The following PHF20 variants were observed in gnomAD, a reference collection of about 807,000 sequenced individuals.
The protein encoded by PHF20 is PHD finger protein 20.
A neutral mutation model predicts 113.5 loss-of-function variants in PHF20; 23 were observed. The ratio of observed to expected loss-of-function variants is 0.20; its 90% confidence interval spans 0.15 to 0.29. The LOEUF (loss-of-function observed/expected upper bound fraction) is 0.29, where lower values mean the gene tolerates loss of function less well. Ranked by LOEUF, PHF20 falls within the 10% of genes least tolerant of loss-of-function variation. The pLI is 1.00. For synonymous variants in PHF20, 434 were observed against 457.3 expected (o/e 0.95, Z 0.65); for missense variants, 943 against 1,219.6 (o/e 0.77, Z 3.38).
At chr20:35,863,843 A>G (rs1453965304) in intron 6 of PHF20, among the ~76,000 whole-genome samples, 1 of 152,202 alleles carries the variant, frequency 6.6e-6, no homozygotes, top group Admixed American at 6.5e-5. Context: ...TTGAAACTAG[A>G]AAAGCATGGG....
intron 10 of PHF20, among the ~76,000 whole-genome samples, chr20:35,901,443 A>G (rs2055095966): frequency 6.6e-6 from 1 of 152,076 alleles, no homozygotes; most frequent in South Asian, 2.1e-4. Context: ...GTGTGCTTAA[A>G]ACATATACTT....
At position 35,938,576 on chromosome 20, in the gene PHF20, G is replaced by T. The variant is rs138919766; in HGVS notation, c.2301-121G>T. ...ATTCGCTCTTGTTTAGCAAATGGTA[G>T]TGTGTGGTCAGATGGCCCAGGTGGA... On this transcript the variant is annotated intron_variant, in intron 15 of 17. Transcript: ENST00000374012. The T allele has an allele frequency of 1.2e-5, 11 of 911,858 alleles. No individual in the cohort carries two copies. The East Asian group carries it at 2.2e-4, about 18-fold the overall frequency. 56.5% of individuals were successfully genotyped at this position (911,858 alleles called of 1,614,324 possible). A position where few individuals can be genotyped will look rare whatever the true frequency, so the allele number is the denominator to read the frequency against.
intron 5 of PHF20, among the ~76,000 whole-genome samples, chr20:35,861,395 T>A (rs1215646843): frequency 6.6e-6 from 1 of 152,162 alleles, no homozygotes; most frequent in African/African-American, 2.4e-5. Context: ...TAAACGTACG[T>A]GTGTGTATTT....
chr20:35,869,343 C>A, intron 6 of PHF20, 95 bp from the exon 7 acceptor site: 1 of 574,210 alleles, frequency 1.7e-6, no homozygotes, highest in Non-Finnish European at 3.0e-6. Context: ...GTGATTTCTG[C>A]ATATATATAT....
intron 10 of PHF20, among the ~76,000 whole-genome samples, chr20:35,904,954 T>C (rs940589573): frequency 6.6e-6 from 1 of 151,790 alleles, no homozygotes. Context: ...GCCTCCCGAG[T>C]AGCTGGGATT....
chr20:35,822,846 TAAAAAAAAAAAAA>T (rs780275666), intron 2 of PHF20, among the ~76,000 whole-genome samples: 10 of 55,564 alleles, frequency 1.8e-4, no homozygotes, highest in East Asian at 5.3e-4. Flanking sequence ...ACCCTGCTTC[TAAAAAAAAAAAAA>T]AAAAAAAAAA....
chr20:35,780,551 CTTT>C (rs71184082), intron 1 of PHF20, among the ~76,000 whole-genome samples: 3 of 115,508 alleles, frequency 2.6e-5, no homozygotes, highest in Non-Finnish European at 3.6e-5. Flanking sequence ...TTTTTCTTTT[CTTT>C]TTTTTTTTTT....
chr20:35,782,421 A>T (rs2041319735), intron 1 of PHF20: 1 of 152,042 alleles, frequency 6.6e-6, no homozygotes, highest in Non-Finnish European at 1.5e-5. Flanking sequence ...AGTAGCTAGG[A>T]TTACAGGCGG....
chr20:35,878,449 A>G (rs1446600268), intron 9 of PHF20: 7 of 531,908 alleles, frequency 1.3e-5, no homozygotes, highest in South Asian at 5.9e-5. Context: ...TGTTTAAGCA[A>G]TCACTATGTC....
intron 2 of PHF20, among the ~76,000 whole-genome samples, chr20:35,808,660 A>T (rs2041924954): frequency 6.6e-6 from 1 of 151,420 alleles, no homozygotes; most frequent in Non-Finnish European, 1.5e-5. Flanking sequence ...GCAAGCTCTG[A>T]CTCCTGGGTT....
intron 1 of PHF20, among the ~76,000 whole-genome samples, chr20:35,776,343 A>G (rs1315220173): frequency 3.9e-5 from 6 of 152,074 alleles, no homozygotes; most frequent in African/African-American, 1.4e-4. Flanking sequence ...GGATAAAGCT[A>G]TGTTCCCCGA....
chr20:35,875,479 T>C (rs555945202), intron 9 of PHF20, among the ~76,000 whole-genome samples: 1 of 152,248 alleles, frequency 6.6e-6, no homozygotes, highest in East Asian at 1.9e-4. Context: ...TAGTTCTCTG[T>C]CTAGCTTCGT....
chr20:35,904,441 C>T (rs1200368976), intron 10 of PHF20, among the ~76,000 whole-genome samples: 1 of 151,716 alleles, frequency 6.6e-6, no homozygotes, highest in African/African-American at 2.4e-5. Flanking sequence ...TTCACCACCA[C>T]ACCCAGCTAA....
chr20:35,773,439 A>C (rs1418939938), intron 1 of PHF20, among the ~76,000 whole-genome samples: 1 of 152,030 alleles, frequency 6.6e-6, no homozygotes, highest in Non-Finnish European at 1.5e-5. Flanking sequence ...ATCTTTGTTC[A>C]GCACGGCACT....
At chr20:35,931,905 C>T (rs1015966227) in intron 15 of PHF20, among the ~76,000 whole-genome samples, 1 of 151,582 alleles carries the variant, frequency 6.6e-6, no homozygotes, top group Non-Finnish European at 1.5e-5. Context: ...GAGCTGAGAT[C>T]GTGCCATTGC....
At chr20:35,810,737 A>G (rs2041962492) in intron 2 of PHF20, among the ~76,000 whole-genome samples, 1 of 152,184 alleles carries the variant, frequency 6.6e-6, no homozygotes, top group Non-Finnish European at 1.5e-5. Context: ...ACAAAACAAA[A>G]CAAAACACTG....
At chr20:35,815,434 C>T (rs1373571243) in intron 2 of PHF20, among the ~76,000 whole-genome samples, 2 of 151,876 alleles carry the variant, frequency 1.3e-5, no homozygotes, top group Non-Finnish European at 2.9e-5. Context: ...AAAAAATTAG[C>T]TGGACATTGT....
At chr20:35,939,486 A>T (rs1402704289) in intron 16 of PHF20, among the ~76,000 whole-genome samples, 2 of 152,218 alleles carry the variant, frequency 1.3e-5, no homozygotes, top group Non-Finnish European at 2.9e-5. Context: ...ACAATGAGTC[A>T]AATGTTTTGT....
chr20:35,848,910 T>G (rs1366606823), intron 4 of PHF20, among the ~76,000 whole-genome samples: 1 of 150,650 alleles, frequency 6.6e-6, no homozygotes, highest in Non-Finnish European at 1.5e-5. Context: ...TAAGCTAAAA[T>G]TATAGGAGGG....
Sources: allele counts gnomAD v4.1 joint callset (sites outside exome capture counted in the v4.1 genomes callset), GRCh38; gene constraint gnomAD v4.1.1; transcripts MANE v1.5; gene names NCBI Gene and HGNC (gene_info 2026-07-23, HGNC 2026-07-21).